The following BPTF variants were observed in gnomAD, a reference collection of about 807,000 sequenced individuals.
BPTF encodes bromodomain PHD finger transcription factor.
In BPTF, 18 loss-of-function variants were observed where a neutral mutation model predicts 292.5. The observed-to-expected ratio is 0.06, with a 90% confidence interval of 0.04 to 0.09. The LOEUF (loss-of-function observed/expected upper bound fraction) is 0.09. BPTF is among the 10% of genes least tolerant of loss of function. The pLI is 1.00. For synonymous variants in BPTF, 1,225 were observed against 1,251.9 expected, an observed-to-expected ratio of 0.98 and a Z score of 0.45; for missense variants, 2,726 against 3,498.7, an observed-to-expected ratio of 0.78 and a Z score of 5.57.
At chr17:67,884,655 A>G (rs2060637005) in intron 4 of BPTF, among the ~76,000 whole-genome samples, 1 of 152,044 alleles carries the variant, frequency 6.6e-6, no homozygotes, top group Non-Finnish European at 1.5e-5. Flanking sequence ...ACCTCAAGTG[A>G]TCTGCCTGCC....
chr17:67,970,263 A>G (rs1292982045), intron 26 of BPTF, among the ~76,000 whole-genome samples: 2 of 151,732 alleles, frequency 1.3e-5, no homozygotes, highest in Non-Finnish European at 2.9e-5. Context: ...TTAGCCAGGC[A>G]TGGTGCCTCA....
In BPTF at chr17:67,911,637, T is replaced by C. The variant is rs752942943; in HGVS notation, c.3753T>C (p.Ser1251=). The part of the protein sequence containing the change: ...ESDTIVSSSK[S]ALHSSVPKST... ...ACACCATTGTTTCTTCTTCCAAGAG[T>C]GCTTTACATTCATCAGTGCCTAAAA... Residue 1251 remains serine (S), a synonymous_variant, in exon 11 of 28, where the codon AGT becomes AGC. Coordinates refer to ENST00000306378, the MANE Select transcript of BPTF (RefSeq NM_182641.4). The C allele has an allele frequency of 6.2e-7, 1 of 1,614,032 alleles. No homozygotes were observed. The highest frequency in any genetic ancestry group is 1.6e-4 in the Middle Eastern group (1 of 6,062).
intron 1 of BPTF, among the ~76,000 whole-genome samples, chr17:67,829,329 A>C (rs1372604407): frequency 1.3e-5 from 2 of 151,390 alleles, no homozygotes; most frequent in African/African-American, 4.8e-5. Flanking sequence ...GGTAAAATAG[A>C]TGTGACTTTT....
chr17:67,968,052 A>G (rs1373609174), intron 26 of BPTF, among the ~76,000 whole-genome samples: 2 of 142,244 alleles, frequency 1.4e-5, no homozygotes, highest in African/African-American at 2.5e-5. Context: ...AAAAAATGGT[A>G]ATAGGAGCCA....
intron 16 of BPTF, chr17:67,929,036 A>T: frequency 3.2e-6 from 4 of 1,232,074 alleles, no homozygotes; most frequent in Non-Finnish European, 4.1e-6. Context: ...CAATCCAGTC[A>T]CTATGGCAGG....
chr17:67,943,695 T>TAAA (rs1555673024), intron 19 of BPTF, among the ~76,000 whole-genome samples: 5 of 152,176 alleles, frequency 3.3e-5, no homozygotes, highest in African/African-American at 1.2e-4. Context: ...CTGAGTTTCT[T>TAAA]AGTTGGGAAT....
At chr17:67,943,542 A>G (rs2065561003) in intron 19 of BPTF, among the ~76,000 whole-genome samples, 1 of 152,200 alleles carries the variant, frequency 6.6e-6, no homozygotes, top group African/African-American at 2.4e-5. Context: ...TGCATTACAT[A>G]TCTAAAACCC....
chr17:67,917,130 C>CTTTTTTTTTT, intron 11 of BPTF, among the ~76,000 whole-genome samples: 1 of 94,224 alleles, frequency 1.1e-5, no homozygotes, highest in South Asian at 3.0e-4. Flanking sequence ...ATGGTATTGT[C>CTTTTTTTTTT]CTTTTTTTTT....
At chr17:67,883,948 TC>T (rs1158252557) in intron 4 of BPTF, among the ~76,000 whole-genome samples, 1 of 152,156 alleles carries the variant, frequency 6.6e-6, no homozygotes, top group Non-Finnish European at 1.5e-5. Context: ...AATTTGTATT[TC>T]CTCCTCTTCT....
intron 13 of BPTF, 80 bp from the exon 14 acceptor site, chr17:67,922,759 CT>C: frequency 6.8e-7 from 1 of 1,475,374 alleles, no homozygotes; most frequent in Non-Finnish European, 9.0e-7. Flanking sequence ...TTGCCAACCA[CT>C]TTTTCATGAT....
chr17:67,913,240 T>C lies in BPTF; in HGVS notation c.5303+53T>C, dbSNP rs1428541397. ...AGGGAGAAAATTTTAAAAAGAATTATCTCACAAGAATATCTCATTTTTAAA... is the reference window on the plus strand; with the variant it reads ...AGGGAGAAAATTTTAAAAAGAATTACCTCACAAGAATATCTCATTTTTAAA... On this transcript the variant is annotated intron_variant, in intron 11 of 27. Coordinates refer to ENST00000306378, the MANE Select transcript of BPTF (RefSeq NM_182641.4). 3.3e-6 allele frequency: 5 copies of C among 1,503,312 alleles called. No homozygotes were observed. The Admixed American group carries it at 6.8e-5, about 21-fold the overall frequency. 93.1% of individuals were successfully genotyped at this position (1,503,312 alleles called of 1,614,324 possible).
chr17:67,964,075 A>G (rs1249936819), intron 24 of BPTF, 137 bp from the exon 25 acceptor site: 6 of 877,892 alleles, frequency 6.8e-6, no homozygotes, highest in Non-Finnish European at 1.0e-5. Flanking sequence ...CTGGAATGTC[A>G]ATCTTGAAAG....
At position 67,982,481 on chromosome 17, in the gene BPTF, A is replaced by G. The variant is rs1555697185; in HGVS notation, c.*193A>G. ...AACGGACAAGAAAAAAGCAAAGTCA[A>G]CGACACCATTATCTTGTCAAGATCA... On this transcript the variant is annotated 3_prime_UTR_variant, in exon 28 of 28. Coordinates refer to ENST00000306378, the MANE Select transcript of BPTF (RefSeq NM_182641.4). The G allele has an allele frequency of 2.1e-6, 1 of 478,126 alleles. No homozygotes were observed. The highest frequency in any genetic ancestry group is 2.0e-5 in the African/African-American group (1 of 50,238). The allele number at this position is 478,126 out of a possible 1,614,324, so 29.6% of individuals were successfully genotyped here.
intron 1 of BPTF, among the ~76,000 whole-genome samples, chr17:67,840,759 C>T (rs1173536865): frequency 6.6e-6 from 1 of 151,570 alleles, no homozygotes; most frequent in East Asian, 2.0e-4. Flanking sequence ...GATGGGGTTT[C>T]ACTATGTTGC....
At chr17:67,935,918 A>C (rs2064874532) in intron 18 of BPTF, among the ~76,000 whole-genome samples, 1 of 152,222 alleles carries the variant, frequency 6.6e-6, no homozygotes, top group Non-Finnish European at 1.5e-5. Flanking sequence ...TACTATACAT[A>C]CTTAGGACGT....
At chr17:67,832,443 A>G (rs1005212243) in intron 1 of BPTF, among the ~76,000 whole-genome samples, 1 of 152,164 alleles carries the variant, frequency 6.6e-6, no homozygotes, top group African/African-American at 2.4e-5. Context: ...TGATTGTCAC[A>G]TTTTAAAAAT....
chr17:67,839,328 T>C lies in BPTF; in HGVS notation c.613+12991T>C, dbSNP rs528579805. ...CCTGGTTCTCTTTTTTTTCCTAAGT[T>C]TTTTTTTAAAAAAAAATCAGCTATG... On this transcript the variant is annotated intron_variant, in intron 1 of 27. Transcript: ENST00000306378. 4.0e-5 allele frequency among the ~76,000 whole-genome samples: 6 copies of C among 151,846 alleles called. No individual in the cohort carries two copies. In the East Asian group the frequency reaches 9.7e-4, roughly 24 times the overall value.
At chr17:67,841,518 CTTT>C (rs1428064855) in intron 1 of BPTF, among the ~76,000 whole-genome samples, 2 of 151,828 alleles carry the variant, frequency 1.3e-5, no homozygotes, top group Non-Finnish European at 2.9e-5. Context: ...AATGACATAT[CTTT>C]TTCTACCCTT....
chr17:67,976,431 C>G (rs1469604508), intron 27 of BPTF, among the ~76,000 whole-genome samples: 1 of 152,200 alleles, frequency 6.6e-6, no homozygotes, highest in African/African-American at 2.4e-5. Context: ...CAAGATCACA[C>G]CACTGCATTC....
Sources: gnomAD v4.1 joint callset for allele counts (sites outside exome capture counted in the v4.1 genomes callset) on GRCh38, gnomAD v4.1.1 for gene constraint, MANE v1.5 for transcripts, NCBI Gene and HGNC (gene_info 2026-07-23, HGNC 2026-07-21) for gene names.